The following BRCA1 variants were observed in gnomAD, a reference collection of about 807,000 sequenced individuals.
BRCA1 encodes the protein BRCA1 DNA repair associated.
Under a neutral mutation model 173.7 loss-of-function variants are expected in BRCA1, and 140 were observed. The observed-to-expected ratio is 0.81, with a 90% CI of 0.70 to 0.93. The LOEUF is 0.93. Ranked by LOEUF, BRCA1 falls within the 40% of genes least tolerant of loss-of-function variation. The pLI, the probability that BRCA1 is intolerant of heterozygous loss-of-function variation, is 0.00. For missense variants in BRCA1, 1,983 were observed against 2,172.5 expected, an observed-to-expected ratio of 0.91 and a Z score of 1.73; for synonymous variants, 662 against 756.0, an observed-to-expected ratio of 0.88 and a Z score of 2.04.
At chr17:43,059,980 A>G (rs1306760167) in intron 18 of BRCA1, among the ~76,000 whole-genome samples, 5 of 152,070 alleles carry the variant, frequency 3.3e-5, no homozygotes, top group Non-Finnish European at 7.4e-5. Context: ...ATCTCAGCTC[A>G]CTGCAATCTC....
rs45564238 is a variant in BRCA1 at position 43,093,682 on chromosome 17, T to C, written c.1849A>G (p.Thr617Ala). 7 of 1,614,142 alleles carry C rather than the reference T, an allele frequency of 4.3e-6. No individual in the cohort carries two copies. Among genetic ancestry groups the C allele is most frequent in the African/African-American group, 1.3e-5 (1 of 75,060 alleles). The change falls in exon 10 of 23, where the codon ACC (threonine) becomes GCC (alanine). Residue 617 changes from threonine (T) to alanine (A), a missense_variant. Transcript: ENST00000357654. ...KKNRLRRKSS[T>A]RHIHALELVV... ...AGTTCAAGCGCATGAATATGCCTGG[T>C]AGAAGACTTCCTCCTCAGCCTATTC...
rs2051532279 is a variant in BRCA1 at position 43,057,138 on chromosome 17, G to A, written c.5194-3C>T. 6.2e-7 allele frequency: 1 copy of A among 1,613,694 alleles called. No homozygotes were observed. The highest frequency in any genetic ancestry group is 8.5e-7 in the Non-Finnish European group (1 of 1,179,730). On this transcript the variant is annotated splice_polypyrimidine_tract_variant and splice_region_variant and intron_variant, in intron 18 of 22. Coordinates refer to ENST00000357654, the MANE Select transcript of BRCA1 (RefSeq NM_007294.4). ...TCTCCTCTGACTTCAAAATCATGCT[G>A]AAAGAAACCAAACACAACCCATCAG...
intron 1 of BRCA1, among the ~76,000 whole-genome samples, chr17:43,156,687 G>T (rs2056199436): frequency 6.6e-6 from 1 of 152,066 alleles, no homozygotes; most frequent in East Asian, 1.9e-4. Flanking sequence ...CTCCGTAAAA[G>T]AAAAATTGGA....
At chr17:43,143,112 TA>T (rs1157518854) in intron 1 of BRCA1, among the ~76,000 whole-genome samples, 7 of 151,196 alleles carry the variant, frequency 4.6e-5, no homozygotes, top group Non-Finnish European at 7.4e-5. Flanking sequence ...TTATTTATTT[TA>T]TTTTTTTTGG....
intron 22 of BRCA1, among the ~76,000 whole-genome samples, chr17:43,047,048 C>T (rs2152725459): frequency 6.6e-6 from 1 of 152,276 alleles, no homozygotes; most frequent in African/African-American, 2.4e-5. Flanking sequence ...TGGTGATCAT[C>T]TCCAAGTGGT....
chr17:43,064,152 G>A (rs1318898276), intron 16 of BRCA1, among the ~76,000 whole-genome samples: 6 of 152,184 alleles, frequency 3.9e-5, no homozygotes, highest in African/African-American at 1.4e-4. Context: ...AAGTCTAGGG[G>A]AGGCTGATAT....
At chr17:43,072,307 C>G (rs946607357) in intron 14 of BRCA1, among the ~76,000 whole-genome samples, 10 of 151,336 alleles carry the variant, frequency 6.6e-5, no homozygotes, top group South Asian at 2.1e-4. Context: ...GAGAATCGCT[C>G]GAACCCAGGA....
At chr17:43,057,236 G>T in intron 18 of BRCA1, 101 bp from the exon 19 acceptor site, 2 of 1,127,362 alleles carry the variant, frequency 1.8e-6, no homozygotes, top group Non-Finnish European at 2.7e-6. Flanking sequence ...CAGGCCAGGC[G>T]CAGTGGCTCA....
intron 19 of BRCA1, among the ~76,000 whole-genome samples, chr17:43,051,783 C>T (rs906886063): frequency 4.6e-5 from 7 of 151,892 alleles, no homozygotes; most frequent in South Asian, 2.1e-4. Context: ...ATTACAGGCG[C>T]GCACCACCAC....
chr17:43,112,563 T>TCACA (rs1327644170), intron 3 of BRCA1: 1 of 152,060 alleles, frequency 6.6e-6, no homozygotes, highest in African/African-American at 2.4e-5. Context: ...TGAACTATGA[T>TCACA]CACACCACTG....
intron 1 of BRCA1, chr17:43,138,882 C>T: frequency 1.3e-6 from 1 of 778,864 alleles, no homozygotes; most frequent in Non-Finnish European, 2.4e-6. Flanking sequence ...AGCGGTGTCC[C>T]AAGTTTCCTG....
intron 1 of BRCA1, among the ~76,000 whole-genome samples, chr17:43,141,975 A>C (rs1175297790): frequency 6.6e-6 from 1 of 151,734 alleles, no homozygotes; most frequent in Non-Finnish European, 1.5e-5. Flanking sequence ...GCAGTGGCCC[A>C]GTCTCGGCTC....
At chr17:43,048,749 G>A (rs2051052556) in intron 21 of BRCA1, among the ~76,000 whole-genome samples, 1 of 149,174 alleles carries the variant, frequency 6.7e-6, no homozygotes, top group South Asian at 2.1e-4. Flanking sequence ...TCAAACTCCT[G>A]ACAAGTGATC....
At chr17:43,046,326 G>T (rs1422251158) in intron 22 of BRCA1, among the ~76,000 whole-genome samples, 1 of 150,712 alleles carries the variant, frequency 6.6e-6, no homozygotes, top group Non-Finnish European at 1.5e-5. Flanking sequence ...CACCTCCCGG[G>T]TTCAAGCAAT....
intron 2 of BRCA1, among the ~76,000 whole-genome samples, chr17:43,122,548 G>A (rs2154572033): frequency 6.6e-6 from 1 of 152,312 alleles, no homozygotes; most frequent in Non-Finnish European, 1.5e-5. Flanking sequence ...GATAAAGTGT[G>A]TGCTGGGGGT....
intron 1 of BRCA1, chr17:43,144,739 G>C (rs1262903935): frequency 3.6e-6 from 1 of 281,506 alleles, no homozygotes; most frequent in East Asian, 9.4e-5. Flanking sequence ...GCAGCTCCGA[G>C]GGCAGGCATG....
At chr17:43,080,922 T>G (rs1010395739) in intron 12 of BRCA1, among the ~76,000 whole-genome samples, 3 of 152,098 alleles carry the variant, frequency 2.0e-5, no homozygotes, top group Non-Finnish European at 4.4e-5. Context: ...AAAAAATTAT[T>G]TTTAAAAAGT....
intron 12 of BRCA1, chr17:43,079,372 T>G (rs2052894113): frequency 1.3e-6 from 2 of 1,596,958 alleles, no homozygotes; most frequent in Non-Finnish European, 1.7e-6. Context: ...AAACATGGAG[T>G]TGTTCCTTTG....
intron 1 of BRCA1, 128 bp from the exon 2 acceptor site, chr17:43,124,243 G>A: frequency 3.3e-6 from 2 of 611,804 alleles, no homozygotes; most frequent in Non-Finnish European, 5.6e-6. Flanking sequence ...ACAAACCAAA[G>A]AACTAATGAC....
Sources: allele counts gnomAD v4.1 joint callset (sites outside exome capture counted in the v4.1 genomes callset), GRCh38; gene constraint gnomAD v4.1.1; transcripts MANE v1.5; gene names NCBI Gene and HGNC (gene_info 2026-07-23, HGNC 2026-07-21).